PRDM6: variants seen among roughly 807,000 people sequenced by gnomAD.
PRDM6 encodes the protein PR/SET domain 6, also known as putative histone-lysine N-methyltransferase PRDM6.
In PRDM6, 25 loss-of-function variants were observed where a neutral mutation model predicts 60.8. The observed-to-expected ratio is 0.41, with a 90% CI of 0.30 to 0.57. PRDM6 has a LOEUF of 0.57. PRDM6 is among the 20% of genes least tolerant of loss of function. The probability of loss-of-function intolerance (pLI) is 0.27; values close to 1 mark genes in which losing one functional copy is unlikely to be tolerated. For synonymous variants in PRDM6, 407 were observed against 357.4 expected, an observed-to-expected ratio of 1.14 and a Z score of -1.57; for missense variants, 839 against 821.3, an observed-to-expected ratio of 1.02 and a Z score of -0.26.
intron 3 of PRDM6, among the ~76,000 whole-genome samples, chr5:123,126,127 T>A (rs572924545): frequency 2.8e-4 from 43 of 152,280 alleles, no homozygotes; most frequent in African/African-American, 9.6e-4. Flanking sequence ...CACGTTGGCA[T>A]AACAGACAAG....
chr5:123,143,669 A>C (rs1765173506), intron 3 of PRDM6, among the ~76,000 whole-genome samples: 1 of 152,124 alleles, frequency 6.6e-6, no homozygotes, highest in African/African-American at 2.4e-5. Context: ...CCTCCCACCC[A>C]GCTGTGTGAA....
At chr5:123,130,164 CCCCTCCCCTCCCCTT>C (rs1301469773) in intron 3 of PRDM6, among the ~76,000 whole-genome samples, 1,033 of 36,246 alleles carry the variant, frequency 0.028, 42 homozygotes, top group Non-Finnish European at 0.038. Flanking sequence ...CCCCTCCCCT[CCCCTCCCCTCCCCTT>C]CCCTTCCCTT....
intron 2 of PRDM6, among the ~76,000 whole-genome samples, chr5:123,091,025 C>G (rs1311532488): frequency 1.3e-5 from 2 of 152,110 alleles, no homozygotes; most frequent in Non-Finnish European, 2.9e-5. Flanking sequence ...AGGGAGGGAC[C>G]CTCAGCGTCT....
chr5:123,144,301 T>G (rs945350009), intron 3 of PRDM6, among the ~76,000 whole-genome samples: 12 of 152,212 alleles, frequency 7.9e-5, no homozygotes. Context: ...CTCTCCCCCA[T>G]AGTGGATGAC....
rs1391358981 is a variant in PRDM6 at position 123,191,943 on chromosome 5, G to C, written c.*4742G>C. ...GTTTGACATTTAAAATATTTATTTA[G>C]TTTCTTCCTTTAAATAATAAATGCC... is the stretch of plus-strand genomic sequence containing the variant. On this transcript the variant is annotated 3_prime_UTR_variant, in exon 8 of 8. Transcript: ENST00000407847. 1 of 152,146 alleles carries C rather than the reference G, an allele frequency of 6.6e-6. No homozygotes were observed. Among genetic ancestry groups the C allele is most frequent in the African/African-American group, 2.4e-5 (1 of 41,428 alleles). The allele number at this position is 152,146 out of a possible 1,614,324, so 9.4% of individuals were successfully genotyped here. A position where few individuals can be genotyped will look rare whatever the true frequency, so the allele number is the denominator to read the frequency against.
At chr5:123,098,221 G>T (rs949463597) in intron 2 of PRDM6, among the ~76,000 whole-genome samples, 4 of 152,250 alleles carry the variant, frequency 2.6e-5, no homozygotes, top group African/African-American at 4.8e-5. Context: ...CGGGTGCCCC[G>T]AGGGCCACCC....
chr5:123,105,931 A>G (rs532626526), intron 3 of PRDM6, among the ~76,000 whole-genome samples: 75 of 152,330 alleles, frequency 4.9e-4, no homozygotes, highest in African/African-American at 1.3e-3. Context: ...CGTCATGTCA[A>G]TCCTTTTTGT....
At chr5:123,171,171 G>A (rs748978754) in intron 6 of PRDM6, 63 bp downstream of exon 6, 36 of 1,346,290 alleles carry the variant, frequency 2.7e-5, no homozygotes, top group Non-Finnish European at 3.3e-5. Context: ...TTGCCTTCCC[G>A]CCAACTTCTG....
chr5:123,164,797 G>A (rs1396543472), intron 5 of PRDM6, among the ~76,000 whole-genome samples: 1 of 152,150 alleles, frequency 6.6e-6, no homozygotes, highest in Admixed American at 6.5e-5. Flanking sequence ...ACTGTTTGTG[G>A]GAGTGTAGGG....
intron 3 of PRDM6, among the ~76,000 whole-genome samples, chr5:123,118,631 T>A (rs896140376): frequency 2.6e-5 from 4 of 152,216 alleles, no homozygotes. Flanking sequence ...ACAGACTGTC[T>A]TACACATGAG....
Position 123,090,433 on chromosome 5 carries a change from G to T in PRDM6, c.419G>T (p.Gly140Val). The T allele has an allele frequency of 6.9e-7, 1 of 1,452,980 alleles. No individual in the cohort carries two copies. The allele number at this position is 1,452,980 out of a possible 1,614,324, so 90.0% of individuals were successfully genotyped here. The change falls in exon 2 of 8, where the codon GGC (glycine) becomes GTC (valine). Residue 140 changes from glycine to valine, a missense_variant. Gly to Val is a moderately radical substitution (Grantham distance 109). Transcript: ENST00000407847. Reference sequence around the variant, plus strand: ...CTGCCCCCCAAGGAACTGTGCCTCGGCGCCACCTCCGGCCCCGGGCCCGTC... The same window carrying T: ...CTGCCCCCCAAGGAACTGTGCCTCGTCGCCACCTCCGGCCCCGGGCCCGTC... Reference protein sequence around the residue: ...EPLPPKELCLGATSGPGPVKC... With the variant: ...EPLPPKELCLVATSGPGPVKC...
At position 123,190,823 on chromosome 5, in the gene PRDM6, ACTATT is replaced by A. The variant is rs1289788682; in HGVS notation, c.*3624_*3628del. 3.3e-5 allele frequency: 5 copies of A among 152,212 alleles called. No individual in the cohort carries two copies. Among genetic ancestry groups the A allele is most frequent in the African/African-American group, 1.2e-4 (5 of 41,454 alleles). The allele number at this position is 152,212 out of a possible 1,614,324, so 9.4% of individuals were successfully genotyped here. On this transcript the variant is annotated 3_prime_UTR_variant, in exon 8 of 8. Coordinates refer to ENST00000407847, the MANE Select transcript of PRDM6 (RefSeq NM_001136239.4). Reference sequence around the variant, plus strand: ...CACCATAAGCAGCATTATTTAAGTGACTATTCATGATAAAATAATATTCTCCTCCT... The same window carrying A: ...CACCATAAGCAGCATTATTTAAGTGACATGATAAAATAATATTCTCCTCCT...
chr5:123,162,844 GTGATTCAC>G (rs1364382410), intron 5 of PRDM6, among the ~76,000 whole-genome samples: 3 of 152,294 alleles, frequency 2.0e-5, no homozygotes, highest in African/African-American at 7.2e-5. Flanking sequence ...CTCATTCCAT[GTGATTCAC>G]TGGGAGACCT....
At chr5:123,138,385 T>C (rs537229232) in intron 3 of PRDM6, among the ~76,000 whole-genome samples, 1 of 152,344 alleles carries the variant, frequency 6.6e-6, no homozygotes, top group East Asian at 1.9e-4. Context: ...TAGCAGGTTA[T>C]CTAATCACAT....
At chr5:123,133,918 CAGAA>C (rs1455253614) in intron 3 of PRDM6, among the ~76,000 whole-genome samples, 1 of 151,606 alleles carries the variant, frequency 6.6e-6, no homozygotes, top group African/African-American at 2.4e-5. Context: ...TGAAGTTAAA[CAGAA>C]AGAAAAGCAT....
At chr5:123,114,162 A>C (rs569443912) in intron 3 of PRDM6, among the ~76,000 whole-genome samples, 1 of 152,330 alleles carries the variant, frequency 6.6e-6, no homozygotes, top group East Asian at 1.9e-4. Context: ...CATGGAGTCA[A>C]GGATCTGAAG....
At chr5:123,094,818 A>G (rs1359788809) in intron 2 of PRDM6, among the ~76,000 whole-genome samples, 2 of 152,094 alleles carry the variant, frequency 1.3e-5, no homozygotes, top group Admixed American at 6.5e-5. Context: ...TCTCTGCGCA[A>G]TATTCTCTCA....
intron 7 of PRDM6, 66 bp from the exon 8 acceptor site, chr5:123,187,021 G>A (rs1159077735): frequency 8.5e-7 from 1 of 1,178,376 alleles, no homozygotes; most frequent in Non-Finnish European, 1.2e-6. Context: ...TAGGCAGGAT[G>A]AGAGGAAGCC....
chr5:123,119,145 T>G (rs1764522671), intron 3 of PRDM6, among the ~76,000 whole-genome samples: 1 of 151,976 alleles, frequency 6.6e-6, no homozygotes, highest in Non-Finnish European at 1.5e-5. Context: ...GTAGGTAGCA[T>G]TAACTGTTAC....
Sources: allele counts gnomAD v4.1 joint callset (sites outside exome capture counted in the v4.1 genomes callset), GRCh38; gene constraint gnomAD v4.1.1; transcripts MANE v1.5; gene names NCBI Gene and HGNC (gene_info 2026-07-23, HGNC 2026-07-21).